Variants in LMO1 observed in about 807,000 individuals in gnomAD.
LMO1 encodes LIM domain only 1.
LMO1 carries 10 observed loss-of-function variants against 18.0 expected under a neutral mutation model. The observed-to-expected ratio is 0.55, with a 90% CI of 0.34 to 0.94. LMO1 has a LOEUF of 0.94. Ranked by LOEUF, LMO1 falls within the 40% of genes least tolerant of loss-of-function variation. The probability of loss-of-function intolerance (pLI) is 0.02; values close to 1 mark genes in which losing one functional copy is unlikely to be tolerated. For missense variants in LMO1, 183 were observed against 205.7 expected (o/e 0.89, Z 0.68); for synonymous variants, 77 against 77.9 (o/e 0.99, Z 0.06).
intron 1 of LMO1, among the ~76,000 whole-genome samples, chr11:8,235,634 TA>T (rs1294359062): frequency 1.3e-5 from 2 of 152,340 alleles, no homozygotes; most frequent in Non-Finnish European, 2.9e-5. Context: ...GAAGAATTCC[TA>T]AACGTTTCTT....
chr11:8,253,105 G>C (rs957201776), intron 1 of LMO1, among the ~76,000 whole-genome samples: 4 of 152,194 alleles, frequency 2.6e-5, no homozygotes, highest in Non-Finnish European at 5.9e-5. Flanking sequence ...GAGCCCAGAG[G>C]ACAGAGCCCT....
chr11:8,253,865 C>T (rs1847045997), intron 1 of LMO1, among the ~76,000 whole-genome samples: 1 of 151,998 alleles, frequency 6.6e-6, no homozygotes, highest in Non-Finnish European at 1.5e-5. Context: ...ATTAAAATGT[C>T]AGGAGTTTAA....
chr11:8,227,776 G>A (rs1177277521), intron 2 of LMO1, among the ~76,000 whole-genome samples: 1 of 152,188 alleles, frequency 6.6e-6, no homozygotes, highest in East Asian at 1.9e-4. Context: ...GGTCCAGAAG[G>A]CGTGCTCTAA....
intron 1 of LMO1, among the ~76,000 whole-genome samples, chr11:8,241,370 G>A (rs1045655538): frequency 4.6e-5 from 7 of 152,188 alleles, no homozygotes; most frequent in Non-Finnish European, 7.3e-5. Flanking sequence ...TTCTTCACAC[G>A]GCAGCTGGAG....
intron 1 of LMO1, among the ~76,000 whole-genome samples, chr11:8,236,951 T>C (rs1194205739): frequency 6.6e-6 from 1 of 152,152 alleles, no homozygotes; most frequent in Non-Finnish European, 1.5e-5. Context: ...ACGTTTAGTC[T>C]CTTAAAAGAC....
intron 1 of LMO1, among the ~76,000 whole-genome samples, chr11:8,255,705 G>C (rs1051832051): frequency 1.3e-5 from 2 of 151,752 alleles, no homozygotes; most frequent in Middle Eastern, 3.4e-3. Context: ...TTAAATCACT[G>C]ACCCACAGAT....
At chr11:8,261,722 G>A (rs907836146) in intron 1 of LMO1, among the ~76,000 whole-genome samples, 5 of 152,116 alleles carry the variant, frequency 3.3e-5, no homozygotes, top group African/African-American at 7.2e-5. Flanking sequence ...TGGGGAGTTC[G>A]TGATGAAAGG....
chr11:8,238,903 T>G (rs1017998305), intron 1 of LMO1, among the ~76,000 whole-genome samples: 4 of 152,188 alleles, frequency 2.6e-5, no homozygotes, highest in African/African-American at 9.7e-5. Context: ...GAGATGGAGA[T>G]GCCCTCATCA....
chr11:8,252,751 C>G (rs1212615767), intron 1 of LMO1, among the ~76,000 whole-genome samples: 1 of 152,216 alleles, frequency 6.6e-6, no homozygotes, highest in Non-Finnish European at 1.5e-5. Flanking sequence ...TGAAACAACC[C>G]CACATGAATC....
upstream of LMO1, among the ~76,000 whole-genome samples, chr11:8,268,186 G>A (rs1454301514): frequency 6.6e-6 from 1 of 152,216 alleles, no homozygotes; most frequent in Non-Finnish European, 1.5e-5. Flanking sequence ...GTTGGGACCG[G>A]GAGACTTCCT....
chr11:8,243,881 A>T (rs1287677185), intron 1 of LMO1, among the ~76,000 whole-genome samples: 2 of 152,112 alleles, frequency 1.3e-5, no homozygotes, highest in Non-Finnish European at 2.9e-5. Context: ...GTCCCTGTTG[A>T]GCCCCATTTG....
At position 8,224,361 on chromosome 11, in the gene LMO1, T is replaced by C. The variant is rs1952493253; in HGVS notation, c.*255A>G. On this transcript the variant is annotated 3_prime_UTR_variant, in exon 4 of 4. Coordinates refer to ENST00000335790, the MANE Select transcript of LMO1 (RefSeq NM_002315.3). ...ACGCCAGTAATAAAATCGCATTACA[T>C]TTCTCATAAAATAAATGTTCCCATT... 2.0e-6 allele frequency: 1 copy of C among 498,798 alleles called. No individual in the cohort carries two copies. Among genetic ancestry groups the C allele is most frequent in the Admixed American group, 3.3e-5 (1 of 30,224 alleles). The allele number at this position is 498,798 out of a possible 1,614,324, so 30.9% of individuals were successfully genotyped here.
rs750432809 is a variant in LMO1 at position 8,263,401 on chromosome 11, G to A, written c.-39C>T. 5 of 1,596,014 alleles carry A rather than the reference G, an allele frequency of 3.1e-6. No homozygotes were observed. Among genetic ancestry groups the A allele is most frequent in the Middle Eastern group, 1.7e-4 (1 of 6,056 alleles). On this transcript the variant is annotated 5_prime_UTR_variant, in exon 1 of 4. Coordinates refer to ENST00000335790, the MANE Select transcript of LMO1 (RefSeq NM_002315.3). ...TGTCCAGCCGCAGCTAGGCTCGGCC[G>A]GGAGAAGGGCGCCGACTCGGGGCGC... is the stretch of plus-strand genomic sequence containing the variant.
chr11:8,260,818 G>A (rs934784599), intron 1 of LMO1, among the ~76,000 whole-genome samples: 5 of 152,114 alleles, frequency 3.3e-5, no homozygotes, highest in Admixed American at 6.5e-5. Flanking sequence ...GTTAATAGCA[G>A]CCCTGAGTCC....
chr11:8,267,527 G>T (rs555088717), upstream of LMO1, among the ~76,000 whole-genome samples: 25 of 152,302 alleles, frequency 1.6e-4, no homozygotes, highest in African/African-American at 5.8e-4. Context: ...CTCTGGGTCA[G>T]CCAGAGCTGT....
chr11:8,225,751 C>G (rs376200032), intron 3 of LMO1, among the ~76,000 whole-genome samples: 10 of 152,322 alleles, frequency 6.6e-5, no homozygotes, highest in African/African-American at 1.4e-4. Context: ...CCCAGTTCAA[C>G]CACCAGGTGG....
intron 1 of LMO1, among the ~76,000 whole-genome samples, chr11:8,247,592 C>T (rs866513041): frequency 2.6e-5 from 4 of 152,238 alleles, no homozygotes; most frequent in Non-Finnish European, 4.4e-5. Flanking sequence ...GCCTCATCTC[C>T]GCAGAGGCGA....
chr11:8,244,912 T>C (rs1356589332), intron 1 of LMO1, among the ~76,000 whole-genome samples: 2 of 152,164 alleles, frequency 1.3e-5, no homozygotes, highest in African/African-American at 4.8e-5. Flanking sequence ...TAAAGCCTGC[T>C]CTGACCAGCC....
chr11:8,250,213 G>A (rs1227671305), intron 1 of LMO1, among the ~76,000 whole-genome samples: 1 of 152,138 alleles, frequency 6.6e-6, no homozygotes, highest in Non-Finnish European at 1.5e-5. Context: ...ACCAGAAAAT[G>A]TTTCCTGAGC....
Sources: allele counts gnomAD v4.1 joint callset (sites outside exome capture counted in the v4.1 genomes callset), GRCh38; gene constraint gnomAD v4.1.1; transcripts MANE v1.5; gene names NCBI Gene and HGNC (gene_info 2026-07-23, HGNC 2026-07-21).